Variants in HYAL4 observed in about 807,000 individuals in gnomAD.
The protein encoded by HYAL4 is hyaluronidase-4.
A neutral mutation model predicts 35.2 loss-of-function variants in HYAL4; 37 were observed. The observed-to-expected ratio is 1.05, with a 90% confidence interval of 0.81 to 1.38. The LOEUF (loss-of-function observed/expected upper bound fraction) is 1.38. HYAL4 is among the 40% of genes most tolerant of loss of function. The pLI, the probability that HYAL4 is intolerant of heterozygous loss-of-function variation, is 0.00. For synonymous variants in HYAL4, 198 were observed against 203.2 expected (o/e 0.97, Z 0.22); for missense variants, 572 against 572.4 (o/e 1.00, Z 0.01).
chr7:123,873,634 C>G (rs1374178967), intron 3 of HYAL4, among the ~76,000 whole-genome samples: 1 of 152,032 alleles, frequency 6.6e-6, no homozygotes, highest in Non-Finnish European at 1.5e-5. Context: ...GCTTAGTATC[C>G]TAAAGAGTGG....
chr7:123,870,429 A>G (rs36930), intron 3 of HYAL4, among the ~76,000 whole-genome samples: 31,203 of 152,130 alleles, frequency 0.21, 3,422 homozygotes, highest in Middle Eastern at 0.31. Context: ...AAATAATTGA[A>G]TGAAGAATAA....
chr7:123,804,454 G>A, the HYAL4 span, among the ~76,000 whole-genome samples: 19 of 152,258 alleles, frequency 1.2e-4, no homozygotes, highest in South Asian at 3.9e-3. Context: ...TACTTTTTGA[G>A]TAATAAGAAT....
At chr7:123,874,682 G>C in intron 3 of HYAL4, 79 bp from the exon 4 acceptor site, 1 of 822,010 alleles carries the variant, frequency 1.2e-6, no homozygotes, top group South Asian at 1.4e-5. Flanking sequence ...TGGGATTACA[G>C]GCGTGAGCCA....
the HYAL4 span, among the ~76,000 whole-genome samples, chr7:123,776,465 G>A: frequency 2.0e-5 from 3 of 152,170 alleles, no homozygotes; most frequent in Non-Finnish European, 2.9e-5. Context: ...GCACAAACGA[G>A]TGCAGCAGTG....
Position 123,872,671 on chromosome 7 carries a change from G to A in HYAL4, c.955-2090G>A, listed in dbSNP as rs537851456. 1.2e-4 allele frequency among the ~76,000 whole-genome samples: 19 copies of A among 152,276 alleles called. No homozygotes were observed. In the South Asian group the frequency reaches 3.9e-3, roughly 32 times the overall value. ...TTTTCTGTAATGTGACAACACCACT[G>A]TGGCTCAAGCTTTCAGGTGGTCCCA... On this transcript the variant is annotated intron_variant, in intron 3 of 4. Coordinates refer to ENST00000223026, the MANE Select transcript of HYAL4 (RefSeq NM_012269.3).
At chr7:123,852,309 T>C (rs1806323858) in intron 2 of HYAL4, among the ~76,000 whole-genome samples, 1 of 152,218 alleles carries the variant, frequency 6.6e-6, no homozygotes, top group South Asian at 2.1e-4. Flanking sequence ...ATGAAGTCTT[T>C]TCCCATGCCT....
chr7:123,856,324 A>T (rs902264269), intron 2 of HYAL4, among the ~76,000 whole-genome samples: 3 of 151,918 alleles, frequency 2.0e-5, no homozygotes, highest in African/African-American at 7.3e-5. Flanking sequence ...CCTCATCTTC[A>T]TGGATTTATC....
chr7:123,773,348 AT>A, the HYAL4 span, among the ~76,000 whole-genome samples: 1 of 152,176 alleles, frequency 6.6e-6, no homozygotes, highest in African/African-American at 2.4e-5. Flanking sequence ...TTTAATACTT[AT>A]CTATTTATGA....
At chr7:123,771,613 T>C in the HYAL4 span, among the ~76,000 whole-genome samples, 10,047 of 152,268 alleles carry the variant, frequency 0.066, 419 homozygotes, top group East Asian at 0.11. Flanking sequence ...TTAGTTGTTA[T>C]GATATTTTGG....
Position 123,869,207 on chromosome 7 carries a change from C to A in HYAL4, c.934C>A (p.Pro312Thr). 1 of 1,599,990 alleles carries A rather than the reference C, an allele frequency of 6.3e-7. No homozygotes were observed. Among genetic ancestry groups the A allele is most frequent in the Non-Finnish European group, 8.5e-7 (1 of 1,172,720 alleles). ...CACAAGGCTAGGGTACAGAGATGAA[C>A]CTTTATTTTTCCTTTCTAAGGTAAG... ...VYTRLGYRDEPLFFLSKQDLV... is the reference protein window; with the variant it reads ...VYTRLGYRDETLFFLSKQDLV... Residue 312 changes from proline to threonine, a missense_variant, in exon 3 of 5, where the codon CCT (proline) becomes ACT (threonine). By Grantham distance (38) the Pro-to-Thr change is conservative. Transcript: ENST00000223026.
At chr7:123,800,623 G>A in the HYAL4 span, among the ~76,000 whole-genome samples, 1 of 150,664 alleles carries the variant, frequency 6.6e-6, no homozygotes, top group African/African-American at 2.4e-5. Context: ...GTGTAATACC[G>A]ATTTAAAATC....
upstream of HYAL4, among the ~76,000 whole-genome samples, chr7:123,824,525 G>A (rs1015479592): frequency 1.3e-5 from 2 of 151,910 alleles, no homozygotes; most frequent in Admixed American, 1.3e-4. Context: ...CTTACATGAA[G>A]CGCTGCTGCA....
chr7:123,783,415 A>G, the HYAL4 span, among the ~76,000 whole-genome samples: 3 of 152,200 alleles, frequency 2.0e-5, no homozygotes, highest in Admixed American at 2.0e-4. Context: ...TGGAACACAC[A>G]TGATTGTATT....
the HYAL4 span, among the ~76,000 whole-genome samples, chr7:123,803,396 T>G: frequency 1.3e-5 from 2 of 152,328 alleles, no homozygotes; most frequent in Admixed American, 1.3e-4. Flanking sequence ...CTTCAATGTT[T>G]TAATACTTGT....
chr7:123,770,661 T>C, the HYAL4 span, among the ~76,000 whole-genome samples: 56 of 151,206 alleles, frequency 3.7e-4, no homozygotes, highest in Non-Finnish European at 5.9e-5. Flanking sequence ...TGGAGAGGAG[T>C]GTTGAGAAAT....
the HYAL4 span, among the ~76,000 whole-genome samples, chr7:123,802,291 A>G: frequency 6.6e-6 from 1 of 152,220 alleles, no homozygotes; most frequent in Non-Finnish European, 1.5e-5. Flanking sequence ...TTTCCTCACC[A>G]TAGTCCCCTC....
the HYAL4 span, among the ~76,000 whole-genome samples, chr7:123,772,806 A>G: frequency 2.6e-5 from 4 of 152,216 alleles, no homozygotes; most frequent in Admixed American, 2.6e-4. Flanking sequence ...TTTTGCCTCA[A>G]GTCAGAAGGA....
chr7:123,766,136 A>G, the HYAL4 span, among the ~76,000 whole-genome samples: 3 of 152,094 alleles, frequency 2.0e-5, no homozygotes, highest in Admixed American at 6.5e-5. Flanking sequence ...GGCCTACTAC[A>G]CTTGGATTTC....
At chr7:123,831,619 T>C (rs1805883966) in intron 1 of HYAL4, among the ~76,000 whole-genome samples, 1 of 152,238 alleles carries the variant, frequency 6.6e-6, no homozygotes, top group Non-Finnish European at 1.5e-5. Flanking sequence ...GTTAATTTCC[T>C]TTATACTTTT....
Sources: allele counts gnomAD v4.1 joint callset (sites outside exome capture counted in the v4.1 genomes callset), GRCh38; gene constraint gnomAD v4.1.1; transcripts MANE v1.5; gene names NCBI Gene and HGNC (gene_info 2026-07-23, HGNC 2026-07-21).